The following LNPEP variants were observed in gnomAD, a reference collection of about 807,000 sequenced individuals.
The protein encoded by LNPEP is leucyl and cystinyl aminopeptidase.
A neutral mutation model predicts 120.6 loss-of-function variants in LNPEP; 64 were observed. The ratio of observed to expected loss-of-function variants is 0.53; its 90% CI spans 0.43 to 0.65. The LOEUF (loss-of-function observed/expected upper bound fraction) is 0.65, where lower values mean the gene tolerates loss of function less well. LNPEP is among the 30% of genes least tolerant of loss of function. The pLI is 0.00. For synonymous variants in LNPEP, 435 were observed against 425.4 expected (o/e 1.02, Z -0.28); for missense variants, 1,057 against 1,200.0 (o/e 0.88, Z 1.76).
chr5:97,015,875 G>A (rs1791054723), intron 13 of LNPEP, among the ~76,000 whole-genome samples: 2 of 152,070 alleles, frequency 1.3e-5, no homozygotes, highest in South Asian at 4.2e-4. Context: ...GAAAGGAAGG[G>A]GTTGGATTAA....
chr5:96,980,143 A>T (rs973963764), intron 2 of LNPEP, among the ~76,000 whole-genome samples, 165 bp downstream of exon 2: 3 of 152,104 alleles, frequency 2.0e-5, no homozygotes, highest in Non-Finnish European at 4.4e-5. Flanking sequence ...TATCTCTCTT[A>T]GTCAACGCCT....
chr5:96,999,882 C>G (rs565665171), intron 8 of LNPEP, among the ~76,000 whole-genome samples: 1 of 151,638 alleles, frequency 6.6e-6, no homozygotes, highest in African/African-American at 2.4e-5. Flanking sequence ...TAAGCACCAG[C>G]AGGGAAATAC....
chr5:97,027,488 A>G (rs1336744644), intron 16 of LNPEP, among the ~76,000 whole-genome samples: 4 of 152,074 alleles, frequency 2.6e-5, no homozygotes, highest in Non-Finnish European at 5.9e-5. Flanking sequence ...CTGGGTGTAC[A>G]GTGTGATCTT....
intron 1 of LNPEP, among the ~76,000 whole-genome samples, chr5:96,971,696 T>G (rs1299869948): frequency 1.3e-5 from 2 of 152,194 alleles, no homozygotes; most frequent in Non-Finnish European, 2.9e-5. Context: ...TAGTAACTTT[T>G]TCATTTTATT....
chr5:96,988,781 T>G (rs967848403), intron 4 of LNPEP, among the ~76,000 whole-genome samples: 1 of 151,956 alleles, frequency 6.6e-6, no homozygotes, highest in Non-Finnish European at 1.5e-5. Context: ...TGTTTTGTTT[T>G]GTTTTTTTAA....
intron 1 of LNPEP, among the ~76,000 whole-genome samples, chr5:96,970,091 A>ATTTAT (rs1277907887): frequency 6.6e-6 from 1 of 151,624 alleles, no homozygotes; most frequent in Non-Finnish European, 1.5e-5. Context: ...GTTGATTGTG[A>ATTTAT]TTTATTTTAT....
At chr5:97,008,932 G>T (rs1048183203) in intron 11 of LNPEP, among the ~76,000 whole-genome samples, 2 of 151,986 alleles carry the variant, frequency 1.3e-5, no homozygotes, top group Admixed American at 6.6e-5. Context: ...GATTACAAGC[G>T]TGAGCCACTG....
intron 8 of LNPEP, among the ~76,000 whole-genome samples, chr5:97,002,188 A>G (rs1406840381): frequency 6.6e-6 from 1 of 152,130 alleles, no homozygotes; most frequent in Non-Finnish European, 1.5e-5. Flanking sequence ...TGATGATTAG[A>G]AGATGGCTCA....
intron 1 of LNPEP, among the ~76,000 whole-genome samples, chr5:96,946,981 T>A (rs1187709347): frequency 6.6e-6 from 1 of 152,242 alleles, no homozygotes; most frequent in African/African-American, 2.4e-5. Context: ...AGATACTCAT[T>A]ATGTCTAATG....
Position 97,032,829 on chromosome 5 carries a change from A to G in LNPEP, c.*4296A>G, listed in dbSNP as rs1223580373. ...TTTCTCCTTATTGTTCGCATGGACA[A>G]TAACTGACAGAGTAGTCCTAGTTGC... On this transcript the variant is annotated 3_prime_UTR_variant, in exon 18 of 18. Coordinates refer to ENST00000231368, the MANE Select transcript of LNPEP (RefSeq NM_005575.3). 2.6e-5 allele frequency: 4 copies of G among 152,374 alleles called. No homozygotes were observed. Among genetic ancestry groups the G allele is most frequent in the Middle Eastern group, 3.4e-3 (1 of 294 alleles). The allele number at this position is 152,374 out of a possible 1,614,324, so 9.4% of individuals were successfully genotyped here.
chr5:96,984,321 A>G (rs1790192879), intron 2 of LNPEP, among the ~76,000 whole-genome samples: 1 of 152,200 alleles, frequency 6.6e-6, no homozygotes, highest in Non-Finnish European at 1.5e-5. Context: ...TAAGTGATTA[A>G]CTTCTTTTAA....
chr5:96,974,669 T>G (rs1021864849), intron 1 of LNPEP, among the ~76,000 whole-genome samples: 1 of 152,194 alleles, frequency 6.6e-6, no homozygotes, highest in African/African-American at 2.4e-5. Flanking sequence ...TTGTTTTCTT[T>G]TGTTAACTTT....
At chr5:96,985,627 A>G (rs558299686) in intron 3 of LNPEP, among the ~76,000 whole-genome samples, 1 of 152,190 alleles carries the variant, frequency 6.6e-6, no homozygotes, top group Middle Eastern at 3.2e-3. Flanking sequence ...CAATATTGTT[A>G]TAATATGGAG....
Position 97,031,970 on chromosome 5 carries a change from A to G in LNPEP, c.*3437A>G, listed in dbSNP as rs1035521681. Reference sequence around the variant, plus strand: ...TTGAGATGGATTTTAAAAAGAGTCTATTTAAACCAAAGTACCTGGAACCAT... The same window carrying G: ...TTGAGATGGATTTTAAAAAGAGTCTGTTTAAACCAAAGTACCTGGAACCAT... On this transcript the variant is annotated 3_prime_UTR_variant, in exon 18 of 18. Coordinates refer to ENST00000231368, the MANE Select transcript of LNPEP (RefSeq NM_005575.3). The G allele has an allele frequency of 1.3e-5, 2 of 152,192 alleles. No homozygotes were observed. Among genetic ancestry groups the G allele is most frequent in the Non-Finnish European group, 2.9e-5 (2 of 68,036 alleles). The allele number at this position is 152,192 out of a possible 1,614,324, so 9.4% of individuals were successfully genotyped here.
intron 2 of LNPEP, among the ~76,000 whole-genome samples, chr5:96,981,290 A>G (rs1467630017): frequency 1.3e-5 from 2 of 152,194 alleles, no homozygotes; most frequent in Non-Finnish European, 2.9e-5. Context: ...GGTATAAATA[A>G]TCTAAACATT....
At chr5:96,975,716 C>T (rs528066696) in intron 1 of LNPEP, among the ~76,000 whole-genome samples, 8 of 152,018 alleles carry the variant, frequency 5.3e-5, no homozygotes, top group Non-Finnish European at 1.2e-4. Context: ...CAGTTTTATA[C>T]ATTATTAAAT....
chr5:96,979,315 A>G lies in LNPEP; in HGVS notation c.197A>G (p.Asp66Gly). 1 of 1,613,966 alleles carries G rather than the reference A, an allele frequency of 6.2e-7. No individual in the cohort carries two copies. Among genetic ancestry groups the G allele is most frequent in the East Asian group, 2.2e-5 (1 of 44,882 alleles). Reference protein sequence around the residue: ...RGLGEHEMEEDEEDYESSAKL... With the variant: ...RGLGEHEMEEGEEDYESSAKL... Reference sequence around the variant, plus strand: ...CTTGGTGAGCATGAGATGGAGGAGGATGAAGAGGATTATGAGTCATCAGCA... The same window carrying G: ...CTTGGTGAGCATGAGATGGAGGAGGGTGAAGAGGATTATGAGTCATCAGCA... Residue 66 changes from aspartate to glycine, a missense_variant, in exon 2 of 18, where the codon GAT (aspartate) becomes GGT (glycine). Physicochemically the swap from Asp to Gly is moderately conservative, Grantham distance 94. Coordinates refer to ENST00000231368, the MANE Select transcript of LNPEP (RefSeq NM_005575.3).
chr5:96,941,880 G>A (rs1031899136), intron 1 of LNPEP, among the ~76,000 whole-genome samples: 2 of 152,232 alleles, frequency 1.3e-5, no homozygotes, highest in Non-Finnish European at 2.9e-5. Context: ...AAAGGAAGAA[G>A]CTGATAGGCA....
intron 1 of LNPEP, among the ~76,000 whole-genome samples, chr5:96,961,298 A>T (rs1373367857): frequency 1.3e-5 from 2 of 152,222 alleles, no homozygotes; most frequent in Non-Finnish European, 2.9e-5. Context: ...GAATTTGGGT[A>T]GAACTAAACT....
Sources: allele counts gnomAD v4.1 joint callset (sites outside exome capture counted in the v4.1 genomes callset), GRCh38; gene constraint gnomAD v4.1.1; transcripts MANE v1.5; gene names NCBI Gene and HGNC (gene_info 2026-07-23, HGNC 2026-07-21).